B3GALT1: variants seen among roughly 807,000 people sequenced by gnomAD.
B3GALT1 encodes the protein beta-1,3-galactosyltransferase 1.
A neutral mutation model predicts 23.2 loss-of-function variants in B3GALT1; 10 were observed. That is an observed-to-expected ratio of 0.43 (90% confidence interval 0.27 to 0.73). The LOEUF (loss-of-function observed/expected upper bound fraction) is 0.73, where lower values mean the gene tolerates loss of function less well. Among genes scored for constraint, B3GALT1 ranks in the 30% least tolerant of loss-of-function variants. B3GALT1 has a pLI of 0.21. For missense variants in B3GALT1, 299 were observed against 405.4 expected (o/e 0.74, Z 2.25); for synonymous variants, 156 against 141.5 (o/e 1.10, Z -0.73).
chr2:167,463,265 C>T (rs750329935), intron 1 of B3GALT1, among the ~76,000 whole-genome samples: 36 of 152,032 alleles, frequency 2.4e-4, no homozygotes, highest in Non-Finnish European at 4.6e-4. Flanking sequence ...CTAATATCTC[C>T]ATAATGCCTA....
chr2:167,337,464 C>G (rs1282800475), intron 1 of B3GALT1, among the ~76,000 whole-genome samples: 2 of 152,070 alleles, frequency 1.3e-5, no homozygotes, highest in African/African-American at 4.8e-5. Flanking sequence ...ATCTGTCCAG[C>G]TGGGTTTCCT....
chr2:167,434,367 C>A (rs1236214892), intron 1 of B3GALT1, among the ~76,000 whole-genome samples: 1 of 151,946 alleles, frequency 6.6e-6, no homozygotes, highest in Non-Finnish European at 1.5e-5. Flanking sequence ...CTAAATATAC[C>A]CATTCCCCAG....
At chr2:167,407,324 A>T (rs1214113968) in intron 1 of B3GALT1, among the ~76,000 whole-genome samples, 1 of 152,186 alleles carries the variant, frequency 6.6e-6, no homozygotes, top group Non-Finnish European at 1.5e-5. Flanking sequence ...ACTAAAATCG[A>T]TTGGATACAG....
intron 2 of B3GALT1, among the ~76,000 whole-genome samples, chr2:167,605,420 G>A (rs1052363739): frequency 6.6e-6 from 1 of 152,174 alleles, no homozygotes; most frequent in Non-Finnish European, 1.5e-5. Context: ...GGCTTGGAGT[G>A]CCCATGGTGG....
intron 2 of B3GALT1, among the ~76,000 whole-genome samples, chr2:167,630,453 G>C (rs1281196228): frequency 6.6e-6 from 1 of 151,690 alleles, no homozygotes; most frequent in Non-Finnish European, 1.5e-5. Flanking sequence ...TGAAATAATT[G>C]GAGACATTTT....
chr2:167,805,041 T>A (rs1444990053), intron 3 of B3GALT1, among the ~76,000 whole-genome samples: 1 of 152,216 alleles, frequency 6.6e-6, no homozygotes, highest in African/African-American at 2.4e-5. Flanking sequence ...AGATGGTATC[T>A]CACTGTGGTT....
chr2:167,741,332 C>G (rs541737039), intron 3 of B3GALT1, among the ~76,000 whole-genome samples: 2 of 152,228 alleles, frequency 1.3e-5, no homozygotes, highest in Non-Finnish European at 2.9e-5. Context: ...AAATGAAATT[C>G]CTTTCTTCAA....
At chr2:167,714,319 A>T in intron 3 of B3GALT1, 1 of 1,493,878 alleles carries the variant, frequency 6.7e-7, no homozygotes, top group South Asian at 1.1e-5. Context: ...TGTGAGCATC[A>T]GTTGACCTAT....
intron 2 of B3GALT1, among the ~76,000 whole-genome samples, chr2:167,637,187 C>T (rs567586389): frequency 1.3e-5 from 2 of 152,076 alleles, no homozygotes; most frequent in South Asian, 2.1e-4. Context: ...GTTGCTTTCA[C>T]TTCGACTTTG....
intron 1 of B3GALT1, among the ~76,000 whole-genome samples, chr2:167,432,494 A>C (rs1187530768): frequency 6.6e-6 from 1 of 152,108 alleles, no homozygotes; most frequent in Non-Finnish European, 1.5e-5. Context: ...TCATTGCCTT[A>C]GCAGCTCCAC....
At chr2:167,757,692 T>C (rs1687839486) in intron 3 of B3GALT1, among the ~76,000 whole-genome samples, 1 of 152,162 alleles carries the variant, frequency 6.6e-6, no homozygotes, top group African/African-American at 2.4e-5. Context: ...CTAGGTCATA[T>C]ATGTATATAT....
intron 2 of B3GALT1, among the ~76,000 whole-genome samples, chr2:167,496,147 T>A (rs1456422397): frequency 6.6e-6 from 1 of 152,174 alleles, no homozygotes; most frequent in Non-Finnish European, 1.5e-5. Flanking sequence ...TGACAGTAAA[T>A]TATTTTTATC....
chr2:167,746,868 GTACATA>G (rs1473246730), intron 3 of B3GALT1, among the ~76,000 whole-genome samples: 1 of 152,138 alleles, frequency 6.6e-6, no homozygotes, highest in Non-Finnish European at 1.5e-5. Flanking sequence ...AATTGGGTTA[GTACATA>G]TAATTTGATC....
intron 3 of B3GALT1, among the ~76,000 whole-genome samples, chr2:167,770,265 C>A (rs1487508972): frequency 2.0e-5 from 3 of 152,146 alleles, no homozygotes; most frequent in African/African-American, 7.2e-5. Context: ...TGCCACCGCA[C>A]CTGGCTGTTT....
At chr2:167,580,749 T>C (rs911931046) in intron 2 of B3GALT1, among the ~76,000 whole-genome samples, 2 of 152,158 alleles carry the variant, frequency 1.3e-5, no homozygotes, top group African/African-American at 4.8e-5. Context: ...CTGGGTTTTG[T>C]TCATCAAATG....
chr2:167,517,203 T>C (rs1191008672), intron 2 of B3GALT1, among the ~76,000 whole-genome samples: 2 of 151,802 alleles, frequency 1.3e-5, no homozygotes, highest in East Asian at 3.9e-4. Flanking sequence ...ACTTGCTACT[T>C]TGGGGTTTTA....
intron 3 of B3GALT1, among the ~76,000 whole-genome samples, chr2:167,736,336 G>C (rs369194536): frequency 1.7e-4 from 26 of 152,102 alleles, no homozygotes; most frequent in Non-Finnish European, 3.2e-4. Flanking sequence ...ATACTGAAAG[G>C]CTATGTCAAA....
chr2:167,798,626 T>C (rs1427775580), intron 3 of B3GALT1, among the ~76,000 whole-genome samples: 1 of 152,216 alleles, frequency 6.6e-6, no homozygotes, highest in Non-Finnish European at 1.5e-5. Context: ...TTCTCTATTA[T>C]GTTCTATTGG....
intron 4 of B3GALT1, among the ~76,000 whole-genome samples, chr2:167,830,562 A>T (rs956592326): frequency 1.3e-5 from 2 of 152,158 alleles, no homozygotes; most frequent in Non-Finnish European, 2.9e-5. Flanking sequence ...TGATGCTACC[A>T]TTGTTGATTA....
Sources: gnomAD v4.1 joint callset for allele counts (sites outside exome capture counted in the v4.1 genomes callset) on GRCh38, gnomAD v4.1.1 for gene constraint, MANE v1.5 for transcripts, NCBI Gene and HGNC (gene_info 2026-07-23, HGNC 2026-07-21) for gene names.